The following CACNA2D4 variants were observed in gnomAD, a reference collection of about 807,000 sequenced individuals.
CACNA2D4 encodes the protein voltage-dependent calcium channel subunit alpha-2/delta-4.
Under a neutral mutation model 163.8 loss-of-function variants are expected in CACNA2D4, and 157 were observed. The ratio of observed to expected loss-of-function variants is 0.96; its 90% CI spans 0.84 to 1.09. CACNA2D4 has a LOEUF of 1.09. CACNA2D4 is among the 50% of genes least tolerant of loss of function. The pLI is 0.00. For synonymous variants in CACNA2D4, 598 were observed against 586.9 expected, an observed-to-expected ratio of 1.02 and a Z score of -0.27; for missense variants, 1,410 against 1,479.9, an observed-to-expected ratio of 0.95 and a Z score of 0.78.
At chr12:1,827,385 T>A (rs1192542807) in intron 26 of CACNA2D4, 1 of 152,944 alleles carries the variant, frequency 6.5e-6, no homozygotes, top group Non-Finnish European at 1.5e-5. Flanking sequence ...TCACCTCTCC[T>A]TGTGTCCCTG....
At chr12:1,908,930 C>T (rs1336467267) in intron 4 of CACNA2D4, among the ~76,000 whole-genome samples, 1 of 151,680 alleles carries the variant, frequency 6.6e-6, no homozygotes, top group African/African-American at 2.4e-5. Flanking sequence ...TTCCTGCACC[C>T]CACACCCGGC....
chr12:1,801,210 C>T, intron 30 of CACNA2D4, 92 bp from the exon 31 acceptor site: 3 of 1,042,098 alleles, frequency 2.9e-6, no homozygotes, highest in African/African-American at 1.6e-5. Flanking sequence ...CATCCGTTTA[C>T]CGCAATTCCC....
At chr12:1,884,590 C>T (rs1866088338) in intron 11 of CACNA2D4, among the ~76,000 whole-genome samples, 178 bp downstream of exon 11, 1 of 152,086 alleles carries the variant, frequency 6.6e-6, no homozygotes, top group Non-Finnish European at 1.5e-5. Context: ...CATCAGGCCT[C>T]TGTGTCTCGG....
At chr12:1,816,601 C>G (rs945402252) in intron 26 of CACNA2D4, among the ~76,000 whole-genome samples, 1 of 152,198 alleles carries the variant, frequency 6.6e-6, no homozygotes, top group Non-Finnish European at 1.5e-5. Context: ...AGCTCAGCTC[C>G]GCTGGCAGAC....
chr12:1,798,864 C>T lies in CACNA2D4; in HGVS notation c.2995+811G>A, dbSNP rs571517663. ...ACACCCCAGAGCAGCCCCACCCGAT[C>T]GCGGATGTGAGTCCAGAAGGAGTCT... On this transcript the variant is annotated intron_variant, in intron 34 of 37. Coordinates refer to ENST00000382722, the MANE Select transcript of CACNA2D4 (RefSeq NM_172364.5). The surrounding 1 kb of genome is among the most constrained non-coding windows in gnomAD (Gnocchi z 4.3). 1.3e-5 allele frequency among the ~76,000 whole-genome samples: 2 copies of T among 152,306 alleles called. No individual in the cohort carries two copies. Among genetic ancestry groups the T allele is most frequent in the Admixed American group, 6.5e-5 (1 of 15,310 alleles).
At chr12:1,812,347 T>A (rs990055351) in intron 26 of CACNA2D4, among the ~76,000 whole-genome samples, 1 of 152,212 alleles carries the variant, frequency 6.6e-6, no homozygotes, top group Admixed American at 6.5e-5. Flanking sequence ...AGTTCTCTTT[T>A]GATGACTGTG....
rs1435617652 is a variant in CACNA2D4, at chr12:1,802,638, G to A, written c.2722-994C>T. Reference sequence around the variant, plus strand: ...AATGTAGGCTGTCTTTAAAAATTGGGGATAGCGTGTGTCCGGCGTGTGGCT... The same window carrying A: ...AATGTAGGCTGTCTTTAAAAATTGGAGATAGCGTGTGTCCGGCGTGTGGCT... On this transcript the variant is annotated intron_variant, in intron 29 of 37. Transcript: ENST00000382722. The surrounding 1 kb of genome is among the most constrained non-coding windows in gnomAD (Gnocchi z 4.7). Among the ~76,000 whole-genome samples the A allele has an allele frequency of 6.6e-6, 1 of 152,208 alleles. No homozygotes were observed. Among genetic ancestry groups the A allele is most frequent in the Non-Finnish European group, 1.5e-5 (1 of 68,034 alleles).
intron 6 of CACNA2D4, among the ~76,000 whole-genome samples, chr12:1,898,699 G>A (rs1327804366): frequency 6.6e-6 from 1 of 151,986 alleles, no homozygotes; most frequent in Non-Finnish European, 1.5e-5. Context: ...GTGTGTGTGT[G>A]TATGTGTACA....
intron 29 of CACNA2D4, among the ~76,000 whole-genome samples, chr12:1,803,507 C>T (rs16928759): frequency 0.088 from 13,467 of 152,252 alleles, 715 homozygotes; most frequent in Admixed American, 0.18. Context: ...ATAGTCCTTA[C>T]ATCCTACAGT....
Position 1,875,933 on chromosome 12 carries a change from T to C in CACNA2D4, c.1720-596A>G, listed in dbSNP as rs560120522. ...GTGGCGTGGGCTGTGATCTGTGCACTAAGGCGTCAGGGGGCCCTGACTGCT... is the reference window on the plus strand; with the variant it reads ...GTGGCGTGGGCTGTGATCTGTGCACCAAGGCGTCAGGGGGCCCTGACTGCT... On this transcript the variant is annotated intron_variant, in intron 16 of 37. Coordinates refer to ENST00000382722, the MANE Select transcript of CACNA2D4 (RefSeq NM_172364.5). This position sits in a 1 kb window ranked among gnomAD's most constrained non-coding sequence, Gnocchi z 4.0. 9.8e-5 allele frequency among the ~76,000 whole-genome samples: 15 copies of C among 152,302 alleles called. No individual in the cohort carries two copies. Among genetic ancestry groups the C allele is most frequent in the African/African-American group, 3.6e-4 (15 of 41,572 alleles).
At chr12:1,814,918 C>A (rs572581832) in intron 26 of CACNA2D4, among the ~76,000 whole-genome samples, 1 of 152,346 alleles carries the variant, frequency 6.6e-6, no homozygotes, top group African/African-American at 2.4e-5. Context: ...GAGACAGAGT[C>A]TCACTCTGTC....
At chr12:1,804,805 G>A (rs560394266) in intron 29 of CACNA2D4, among the ~76,000 whole-genome samples, 1 of 152,372 alleles carries the variant, frequency 6.6e-6, no homozygotes, top group Admixed American at 6.5e-5. Context: ...GCTATGCTGG[G>A]ATCGTGCGGA....
chr12:1,797,624 C>T (rs1261573754), intron 34 of CACNA2D4, 89 bp from the exon 35 acceptor site: 2 of 973,400 alleles, frequency 2.1e-6, no homozygotes, highest in Non-Finnish European at 1.6e-6. Flanking sequence ...AGAGTTCACC[C>T]CAGTGCATTT....
rs574333036 is a variant in CACNA2D4, at chr12:1,874,891, C to T, written c.1807-216G>A. ...CACCAAGATCCCACTCCCATGTGCACTGATGCATTGGGGTACAGAGTGCCA... is the reference window on the plus strand; with the variant it reads ...CACCAAGATCCCACTCCCATGTGCATTGATGCATTGGGGTACAGAGTGCCA... On this transcript the variant is annotated intron_variant, in intron 17 of 37. Coordinates refer to ENST00000382722, the MANE Select transcript of CACNA2D4 (RefSeq NM_172364.5). This position sits in a 1 kb window ranked among gnomAD's most constrained non-coding sequence, Gnocchi z 4.4. Among the ~76,000 whole-genome samples the T allele has an allele frequency of 5.0e-4, 76 of 152,304 alleles. No homozygotes were observed. The highest frequency in any genetic ancestry group is 1.2e-3 in the Admixed American group (19 of 15,302).
Position 1,829,569 on chromosome 12 carries a change from C to A in CACNA2D4, c.2551+11170G>T, listed in dbSNP as rs1467094332. 1.3e-5 allele frequency among the ~76,000 whole-genome samples: 2 copies of A among 152,046 alleles called. No individual in the cohort carries two copies. The highest frequency in any genetic ancestry group is 4.8e-5 in the African/African-American group (2 of 41,426). On this transcript the variant is annotated intron_variant, in intron 26 of 37. Transcript: ENST00000382722. This position sits in a 1 kb window ranked among gnomAD's most constrained non-coding sequence, Gnocchi z 4.2. ...GTGTCAGCTCTCAGCTGTCATCGAT[C>A]CTCCAGGCAGGGAAGGGGAGAGTCT...
chr12:1,823,605 C>A (rs1864199434), intron 26 of CACNA2D4, among the ~76,000 whole-genome samples: 1 of 151,988 alleles, frequency 6.6e-6, no homozygotes, highest in Non-Finnish European at 1.5e-5. Context: ...CCGGCCTACT[C>A]CCCTCACCTC....
intron 29 of CACNA2D4, among the ~76,000 whole-genome samples, chr12:1,808,450 A>G (rs1261792033): frequency 2.0e-5 from 3 of 152,236 alleles, no homozygotes; most frequent in African/African-American, 7.2e-5. Context: ...TACTGGAGCA[A>G]CGCCACCTGC....
chr12:1,918,277 G>T lies in CACNA2D4; in HGVS notation c.197C>A (p.Ala66Glu), dbSNP rs368680577. The change falls in exon 1 of 38, where the codon GCG (alanine) becomes GAG (glutamate). Residue 66 changes from alanine (A) to glutamate (E), a missense_variant. Physicochemically the swap from Ala to Glu is moderately radical, Grantham distance 107. Transcript: ENST00000382722. ...CAGAGGAATCTTGGCCTGTCCCCACGCAGGGGACAGGGAGGTGCCTAGAAG... is the reference window on the plus strand; with the variant it reads ...CAGAGGAATCTTGGCCTGTCCCCACTCAGGGGACAGGGAGGTGCCTAGAAG... ...LLLLGTSLSP[A>E]WGQAKIPLET... 2 of 1,605,446 alleles carry T rather than the reference G, an allele frequency of 1.2e-6. No individual in the cohort carries two copies. The highest frequency in any genetic ancestry group is 2.2e-5 in the East Asian group (1 of 44,556).
intron 6 of CACNA2D4, among the ~76,000 whole-genome samples, chr12:1,895,889 T>C (rs1230424311): frequency 6.6e-6 from 1 of 152,112 alleles, no homozygotes; most frequent in Non-Finnish European, 1.5e-5. Flanking sequence ...TCCTCCCACC[T>C]TGATCTCCTA....
Sources: gnomAD v4.1 joint callset for allele counts (sites outside exome capture counted in the v4.1 genomes callset) on GRCh38, gnomAD v4.1.1 for gene constraint, Gnocchi (gnomAD v3.1) non-coding constraint, MANE v1.5 for transcripts, NCBI Gene and HGNC (gene_info 2026-07-23, HGNC 2026-07-21) for gene names.